The following ADAMTS20 variants were observed in gnomAD, a reference collection of about 807,000 sequenced individuals.
ADAMTS20 encodes the protein ADAM metallopeptidase with thrombospondin type 1 motif 20.
In ADAMTS20, 225 loss-of-function variants were observed where a neutral mutation model predicts 260.1. The ratio of observed to expected loss-of-function variants is 0.87; its 90% CI spans 0.78 to 0.97. ADAMTS20 has a LOEUF of 0.97. Among genes scored for constraint, ADAMTS20 ranks in the 50% least tolerant of loss-of-function variants. The probability of loss-of-function intolerance (pLI) is 0.00; values close to 1 mark genes in which losing one functional copy is unlikely to be tolerated. For missense variants in ADAMTS20, 2,400 were observed against 2,337.7 expected, an observed-to-expected ratio of 1.03 and a Z score of -0.55; for synonymous variants, 802 against 769.5, an observed-to-expected ratio of 1.04 and a Z score of -0.70.
At chr12:43,465,804 T>C (rs947506839) in intron 9 of ADAMTS20, among the ~76,000 whole-genome samples, 1 of 152,038 alleles carries the variant, frequency 6.6e-6, no homozygotes, top group African/African-American at 2.4e-5. Context: ...CAAGCTCCTA[T>C]AGAAGTATGT....
At chr12:43,407,503 A>G (rs139075862) in intron 28 of ADAMTS20, among the ~76,000 whole-genome samples, 3,479 of 151,800 alleles carry the variant, frequency 0.023, 58 homozygotes, top group African/African-American at 0.033. Context: ...AATATTTTCT[A>G]TATTATAACT....
chr12:43,455,782 T>C (rs117555318), intron 11 of ADAMTS20, among the ~76,000 whole-genome samples: 2,397 of 151,816 alleles, frequency 0.016, 22 homozygotes, highest in Middle Eastern at 0.082. Context: ...GATCACAGCT[T>C]ACCGCAACCT....
intron 29 of ADAMTS20, among the ~76,000 whole-genome samples, chr12:43,396,561 G>A (rs1333395314): frequency 6.6e-6 from 1 of 152,132 alleles, no homozygotes; most frequent in African/African-American, 2.4e-5. Flanking sequence ...GTTTCTGGCA[G>A]AGATTTGGGG....
rs1940411359 is a variant in ADAMTS20, at chr12:43,383,861, C to T, written c.4569G>A (p.Arg1523=). ...CDQSTRPCSQ[R]RCWSQDCVQH... The stretch of plus-strand genomic sequence containing the variant: ...GCACACAGTCCTGACTCCAACATCG[C>T]CTCTGAGAACAAGGTCGGGTGGACT... Residue 1523 remains arginine, a synonymous_variant, in exon 30 of 39, where the codon AGG becomes AGA. Transcript: ENST00000389420. 3 of 1,613,940 alleles carry T rather than the reference C, an allele frequency of 1.9e-6. No homozygotes were observed. Among genetic ancestry groups the T allele is most frequent in the Non-Finnish European group, 2.5e-6 (3 of 1,179,856 alleles).
chr12:43,471,828 C>T (rs1479575992), intron 7 of ADAMTS20, among the ~76,000 whole-genome samples: 1 of 136,572 alleles, frequency 7.3e-6, no homozygotes, highest in Admixed American at 7.5e-5. Flanking sequence ...CACCGAAAAC[C>T]CATCTGTACA....
chr12:43,356,246 T>C (rs556636857), intron 38 of ADAMTS20, among the ~76,000 whole-genome samples: 54 of 152,320 alleles, frequency 3.5e-4, no homozygotes, highest in African/African-American at 1.2e-3. Flanking sequence ...TTCAAATATC[T>C]ATAGCCTATA....
intron 28 of ADAMTS20, among the ~76,000 whole-genome samples, chr12:43,407,075 C>A (rs1344758695): frequency 6.6e-6 from 1 of 151,960 alleles, no homozygotes; most frequent in South Asian, 2.1e-4. Context: ...TCCTTTTTAA[C>A]TTGTTACAGG....
intron 10 of ADAMTS20, 35 bp from the exon 11 acceptor site, chr12:43,463,034 A>C (rs751581607): frequency 7.0e-7 from 1 of 1,431,410 alleles, no homozygotes; most frequent in Non-Finnish European, 9.7e-7. Context: ...AGCCAGTGTA[A>C]AGATAACACC....
At chr12:43,412,219 A>C (rs1224025588) in intron 28 of ADAMTS20, among the ~76,000 whole-genome samples, 1 of 152,198 alleles carries the variant, frequency 6.6e-6, no homozygotes, top group Non-Finnish European at 1.5e-5. Context: ...CTTTTTTTAC[A>C]TTACAAAGCT....
chr12:43,493,845 T>C (rs1463121418), intron 4 of ADAMTS20, among the ~76,000 whole-genome samples: 1 of 152,184 alleles, frequency 6.6e-6, no homozygotes, highest in East Asian at 1.9e-4. Context: ...CCAGAATCCA[T>C]AGAGGCAGAT....
rs746038595 is a variant in ADAMTS20 at position 43,501,479 on chromosome 12, G to GCACACACACA, written c.867+672_867+673insTGTGTGTGTG. On this transcript the variant is annotated intron_variant, in intron 4 of 38. Transcript: ENST00000389420. ...GGGGGATACGCGCGCGCGCGCGCGC[G>GCACACACACA]CGCACACACACACACACACACACAT... 6.0e-4 allele frequency among the ~76,000 whole-genome samples: 40 copies of GCACACACACA among 67,130 alleles called. 1 individual carries two copies. Among genetic ancestry groups the GCACACACACA allele is most frequent in the Middle Eastern group, 9.3e-3 (1 of 108 alleles). 44.0% of individuals were successfully genotyped at this position (67,130 alleles called of 152,430 possible). A position where few individuals can be genotyped will look rare whatever the true frequency, so the allele number is the denominator to read the frequency against.
intron 3 of ADAMTS20, among the ~76,000 whole-genome samples, chr12:43,504,821 C>CA (rs200811188): frequency 1.6e-4 from 24 of 149,992 alleles, no homozygotes; most frequent in South Asian, 8.4e-4. Flanking sequence ...AACCAAGAGA[C>CA]AAAAAAAAAT....
In ADAMTS20 at chr12:43,446,751, T is replaced by A. The variant is rs537032283; in HGVS notation, c.2080-39A>T. 38 of 1,505,896 alleles carry A rather than the reference T, an allele frequency of 2.5e-5. No homozygotes were observed. The East Asian group carries it at 8.4e-4, about 33-fold the overall frequency. The allele number at this position is 1,505,896 out of a possible 1,614,324, so 93.3% of individuals were successfully genotyped here. A position where few individuals can be genotyped will look rare whatever the true frequency, so the allele number is the denominator to read the frequency against. On this transcript the variant is annotated intron_variant, in intron 14 of 38. Coordinates refer to ENST00000389420, the MANE Select transcript of ADAMTS20 (RefSeq NM_025003.5). ...TTACAATCAATATTATAAGAATGAC[T>A]AATTATGAAGAAAAGAGAGAAGATC...
At position 43,392,842 on chromosome 12, in the gene ADAMTS20, A is replaced by G. The variant is rs556057342; in HGVS notation, c.4452+6224T>C. Among the ~76,000 whole-genome samples, 7 of 152,100 alleles carry G rather than the reference A, an allele frequency of 4.6e-5. No individual in the cohort carries two copies. The East Asian group carries it at 1.2e-3, about 25-fold the overall frequency. ...CAGGGTCTTTTACTATTTTCTCTGC[A>G]TATTCTTTAAATGTCAGCATATCCC... On this transcript the variant is annotated intron_variant, in intron 29 of 38. Transcript: ENST00000389420.
chr12:43,485,413 C>T (rs1942508441), intron 7 of ADAMTS20, among the ~76,000 whole-genome samples: 1 of 151,962 alleles, frequency 6.6e-6, no homozygotes, highest in Admixed American at 6.6e-5. Context: ...ATAGAAAGAA[C>T]ATATCTCAAA....
intron 29 of ADAMTS20, among the ~76,000 whole-genome samples, chr12:43,385,688 C>A (rs1490456013): frequency 1.3e-5 from 2 of 152,156 alleles, no homozygotes; most frequent in African/African-American, 4.8e-5. Context: ...TTTCCCAACA[C>A]CATTTATTAA....
At chr12:43,483,266 C>T (rs1481718852) in intron 7 of ADAMTS20, among the ~76,000 whole-genome samples, 1 of 152,096 alleles carries the variant, frequency 6.6e-6, no homozygotes, top group Non-Finnish European at 1.5e-5. Context: ...GCCTGGCTCT[C>T]AGGGACTGCT....
At chr12:43,403,903 A>T (rs1189093661) in intron 28 of ADAMTS20, among the ~76,000 whole-genome samples, 8 of 151,988 alleles carry the variant, frequency 5.3e-5, no homozygotes, top group Non-Finnish European at 1.5e-5. Flanking sequence ...TCATCATATC[A>T]TTGCACATGT....
chr12:43,440,721 C>G (rs1454669119), intron 16 of ADAMTS20, among the ~76,000 whole-genome samples: 6 of 152,116 alleles, frequency 3.9e-5, no homozygotes, highest in Non-Finnish European at 4.4e-5. Context: ...TTCAATCATC[C>G]TGGTCATCAA....
Sources: gnomAD v4.1 joint callset for allele counts (sites outside exome capture counted in the v4.1 genomes callset) on GRCh38, gnomAD v4.1.1 for gene constraint, MANE v1.5 for transcripts, NCBI Gene and HGNC (gene_info 2026-07-23, HGNC 2026-07-21) for gene names.